The following RALGAPA1 variants were observed in gnomAD, a reference collection of about 807,000 sequenced individuals.
RALGAPA1 encodes Ral GTPase activating protein catalytic subunit alpha 1.
A neutral mutation model predicts 269.6 loss-of-function variants in RALGAPA1; 52 were observed. The observed-to-expected ratio is 0.19, with a 90% CI of 0.15 to 0.24. The LOEUF (loss-of-function observed/expected upper bound fraction) is 0.24. Ranked by LOEUF, RALGAPA1 falls within the 10% of genes least tolerant of loss-of-function variation. The pLI, the probability that RALGAPA1 is intolerant of heterozygous loss-of-function variation, is 1.00. For missense variants in RALGAPA1, 1,917 were observed against 3,013.9 expected (o/e 0.64, Z 8.52); for synonymous variants, 817 against 1,008.3 (o/e 0.81, Z 3.60).
chr14:35,598,387 C>T (rs186889698), intron 36 of RALGAPA1, among the ~76,000 whole-genome samples: 1 of 148,506 alleles, frequency 6.7e-6, no homozygotes, highest in East Asian at 2.0e-4. Flanking sequence ...TACTTTCTGC[C>T]AGTCTATATT....
chr14:35,801,148 A>ACT (rs557973842), intron 1 of RALGAPA1, among the ~76,000 whole-genome samples: 58 of 151,822 alleles, frequency 3.8e-4, no homozygotes, highest in South Asian at 4.2e-4. Flanking sequence ...AAGCGATAAG[A>ACT]CTCTAGTCAG....
intron 36 of RALGAPA1, among the ~76,000 whole-genome samples, chr14:35,603,234 C>A (rs955808168): frequency 2.6e-5 from 4 of 152,124 alleles, no homozygotes; most frequent in African/African-American, 9.7e-5. Flanking sequence ...ATCTTCCTAA[C>A]TTGTTCTTTT....
Position 35,689,844 on chromosome 14 carries a change from C to T in RALGAPA1, c.2567G>A (p.Arg856Gln), listed in dbSNP as rs1265297148. Residue 856 changes from arginine (R) to glutamine (Q), a missense_variant, in exon 18 of 42, where the codon CGA (arginine) becomes CAA (glutamine). By Grantham distance (43) the Arg-to-Gln change is conservative. This residue lies in a region of RALGAPA1 where 615 missense variants were observed against 790.0 expected (regional missense o/e 0.78). Coordinates refer to ENST00000680220, the MANE Select transcript of RALGAPA1 (RefSeq NM_001346249.2). ...SDILEPFTVE[R>Q]AKGAVPVIDS... ...AATGACAGGAACTGCACCTTTGGCT[C>T]GTTCAACAGTGAATGGTTCCAAGAT... The T allele has an allele frequency of 3.1e-6, 5 of 1,597,902 alleles. No individual in the cohort carries two copies. The South Asian group carries it at 3.4e-5, about 11-fold the overall frequency.
intron 39 of RALGAPA1, among the ~76,000 whole-genome samples, chr14:35,568,141 A>G (rs938223880): frequency 6.6e-6 from 1 of 152,144 alleles, no homozygotes; most frequent in African/African-American, 2.4e-5. Context: ...AACAGATTAA[A>G]ACTACAAAGC....
chr14:35,644,969 T>C (rs1017082464), intron 31 of RALGAPA1, among the ~76,000 whole-genome samples: 1 of 152,188 alleles, frequency 6.6e-6, no homozygotes, highest in Non-Finnish European at 1.5e-5. Context: ...TTAATACTTA[T>C]AATTAGATAC....
chr14:35,751,101 G>C (rs937209317), intron 8 of RALGAPA1, among the ~76,000 whole-genome samples: 2 of 152,186 alleles, frequency 1.3e-5, no homozygotes, highest in South Asian at 2.1e-4. Flanking sequence ...TTCTGGGAAA[G>C]AGACAATTTA....
intron 20 of RALGAPA1, among the ~76,000 whole-genome samples, chr14:35,684,528 T>C (rs2065751523): frequency 6.6e-6 from 1 of 152,218 alleles, no homozygotes; most frequent in South Asian, 2.1e-4. Flanking sequence ...AGTTTTGGTC[T>C]TAAAAATGTC....
At position 35,808,977 on chromosome 14, in the gene RALGAPA1, G is replaced by A. The variant is rs1567282359; in HGVS notation, c.-142C>T. On this transcript the variant is annotated 5_prime_UTR_variant, in exon 1 of 42. Transcript: ENST00000680220. ...CAGCCTTGCGGGCCAGGGCAGAGCC[G>A]ACTCCTTCCCGATCCAGGCCAGGGC... The A allele has an allele frequency of 1.6e-5, 23 of 1,428,732 alleles. No homozygotes were observed. The South Asian group carries it at 3.4e-4, about 21-fold the overall frequency. The allele number at this position is 1,428,732 out of a possible 1,614,324, so 88.5% of individuals were successfully genotyped here.
intron 21 of RALGAPA1, 126 bp from the exon 22 acceptor site, chr14:35,678,228 AG>A: frequency 1.3e-6 from 1 of 798,956 alleles, no homozygotes; most frequent in Non-Finnish European, 1.9e-6. Context: ...TAAACTGGCC[AG>A]GGAGGTCAAG....
intron 1 of RALGAPA1, among the ~76,000 whole-genome samples, chr14:35,806,172 CAATA>C (rs1206508471): frequency 6.6e-6 from 1 of 152,104 alleles, no homozygotes; most frequent in Non-Finnish European, 1.5e-5. Flanking sequence ...AATTATTTAA[CAATA>C]AATATTTTTA....
intron 41 of RALGAPA1, chr14:35,542,263 C>T (rs778682284): frequency 8.3e-5 from 25 of 302,532 alleles, no homozygotes; most frequent in Non-Finnish European, 1.3e-4. Flanking sequence ...GTACACTAGC[C>T]ACATTTCAAT....
At chr14:35,720,124 T>C (rs973890938) in intron 16 of RALGAPA1, among the ~76,000 whole-genome samples, 1 of 152,208 alleles carries the variant, frequency 6.6e-6, no homozygotes, top group Admixed American at 6.5e-5. Context: ...ATTTCAAATA[T>C]AATCATTTTC....
intron 39 of RALGAPA1, among the ~76,000 whole-genome samples, chr14:35,550,206 T>C (rs1377927281): frequency 6.6e-6 from 1 of 152,196 alleles, no homozygotes; most frequent in African/African-American, 2.4e-5. Flanking sequence ...AACATACAAT[T>C]ATCAGGAAAA....
At chr14:35,728,309 TA>T in intron 13 of RALGAPA1, 52 bp downstream of exon 13, 1 of 1,382,620 alleles carries the variant, frequency 7.2e-7, no homozygotes, top group Non-Finnish European at 9.4e-7. Context: ...AAAATTACTA[TA>T]CCTGTGTACA....
chr14:35,691,338 C>A (rs1056490481), intron 17 of RALGAPA1, among the ~76,000 whole-genome samples: 3 of 151,938 alleles, frequency 2.0e-5, no homozygotes, highest in Non-Finnish European at 4.4e-5. Context: ...AATACAATGT[C>A]TATGAATCCA....
chr14:35,764,529 TTTTA>T (rs368091853), intron 4 of RALGAPA1, among the ~76,000 whole-genome samples: 66 of 151,804 alleles, frequency 4.3e-4, no homozygotes, highest in South Asian at 8.3e-4. Context: ...TGCAGATAAG[TTTTA>T]TTTATTTATT....
Position 35,725,103 on chromosome 14 carries a change from A to G in RALGAPA1, c.1787T>C (p.Met596Thr), listed in dbSNP as rs768652174. 5.0e-6 allele frequency: 8 copies of G among 1,609,420 alleles called. No individual in the cohort carries two copies. The East Asian group carries it at 1.8e-4, about 36-fold the overall frequency. Residue 596 changes from methionine (M) to threonine (T), a missense_variant, in exon 14 of 42, where the codon ATG (methionine) becomes ACG (threonine). Transcript: ENST00000680220. ...GAACTGTAGAAAAGCTTGTGATGGCATCTTCAGTACAGATTCCGTGACTCT... is the reference window on the plus strand; with the variant it reads ...GAACTGTAGAAAAGCTTGTGATGGCGTCTTCAGTACAGATTCCGTGACTCT... ...LLRVTESVLK[M>T]PSQAFLQFQG...
chr14:35,700,124 G>GA, intron 17 of RALGAPA1, 38 bp downstream of exon 17: 1 of 1,495,946 alleles, frequency 6.7e-7, no homozygotes, highest in Non-Finnish European at 8.8e-7. Context: ...ATTAAAAAGT[G>GA]AAAAAGGTGG....
At chr14:35,627,048 C>A (rs199745668) in intron 34 of RALGAPA1, 42 bp downstream of exon 34, 60 of 545,220 alleles carry the variant, frequency 1.1e-4, no homozygotes, top group South Asian at 4.1e-4. Context: ...TGAATAAGAC[C>A]GAAAAAAAAA....
Sources: gnomAD v4.1 joint callset for allele counts (sites outside exome capture counted in the v4.1 genomes callset) on GRCh38, gnomAD v4.1.1 for gene constraint, gnomAD v4.1.1 regional missense constraint, MANE v1.5 for transcripts, NCBI Gene and HGNC (gene_info 2026-07-23, HGNC 2026-07-21) for gene names.